The following RDH13 variants were observed in gnomAD, a reference collection of about 807,000 sequenced individuals.
The protein encoded by RDH13 is retinol dehydrogenase 13, also known as retinol dehydrogenase 13 (all-trans and 9-cis).
RDH13 carries 35 observed loss-of-function variants against 28.3 expected under a neutral mutation model. The ratio of observed to expected loss-of-function variants is 1.24; its 90% CI spans 0.95 to 1.64. The LOEUF (loss-of-function observed/expected upper bound fraction) is 1.64, where lower values mean the gene tolerates loss of function less well. Ranked by LOEUF, RDH13 falls within the 40% of genes most tolerant of loss-of-function variation. The pLI is 0.00. For missense variants in RDH13, 514 were observed against 446.3 expected (o/e 1.15, Z -1.37); for synonymous variants, 229 against 198.5 (o/e 1.15, Z -1.29).
At chr19:55,059,406 T>G in intron 1 of RDH13, 131 bp from the exon 2 acceptor site, 1 of 639,058 alleles carries the variant, frequency 1.6e-6, no homozygotes, top group East Asian at 2.7e-5. Flanking sequence ...CATCATCACA[T>G]CACACCAAGG....
chr19:55,060,427 C>A (rs2075775208), intron 1 of RDH13, among the ~76,000 whole-genome samples: 1 of 152,200 alleles, frequency 6.6e-6, no homozygotes, highest in Non-Finnish European at 1.5e-5. Context: ...GTCATAGATT[C>A]TTTTGCTCAC....
At chr19:55,049,823 T>TG (rs1402663520) in intron 3 of RDH13, among the ~76,000 whole-genome samples, 1 of 149,490 alleles carries the variant, frequency 6.7e-6, no homozygotes, top group Non-Finnish European at 1.5e-5. Context: ...TCCCAGAGGC[T>TG]GGAAGTCCCA....
chr19:55,067,876 ATCTCTC>A (rs2075987279), upstream of RDH13, among the ~76,000 whole-genome samples: 1 of 63,118 alleles, frequency 1.6e-5, no homozygotes, highest in South Asian at 3.3e-4. Flanking sequence ...TCTCTCTCTC[ATCTCTC>A]TCTCCCTCTT....
At chr19:55,043,260 G>A (rs1036628401), downstream of RDH13, 1 of 152,274 alleles carries the variant, frequency 6.6e-6, no homozygotes, top group African/African-American at 2.4e-5. Context: ...AATTAGCCAA[G>A]TGTGGTGGCA....
Position 55,059,314 on chromosome 19 carries a change from A to T in RDH13, c.66-39T>A, listed in dbSNP as rs1353547100. 17 of 1,374,444 alleles carry T rather than the reference A, an allele frequency of 1.2e-5. No individual in the cohort carries two copies. The Admixed American group carries it at 3.3e-4, about 27-fold the overall frequency. The allele number at this position is 1,374,444 out of a possible 1,614,324, so 85.1% of individuals were successfully genotyped here. ...GCGGCACGGTCAGTCCTGTGGGCCC[A>T]CTCTCACCCCACGTGCCCCTGACTG... On this transcript the variant is annotated intron_variant, in intron 1 of 6. Transcript: ENST00000415061.
chr19:55,048,868 G>C, intron 3 of RDH13, 105 bp from the exon 4 acceptor site: 1 of 1,032,160 alleles, frequency 9.7e-7, no homozygotes, highest in Non-Finnish European at 1.5e-6. Flanking sequence ...AATGTGGCCT[G>C]TGCCGGAAAC....
At chr19:55,068,028 C>A (rs113961547), upstream of RDH13, among the ~76,000 whole-genome samples, 21 of 149,776 alleles carry the variant, frequency 1.4e-4, no homozygotes, top group Non-Finnish European at 1.5e-5. Flanking sequence ...TTCTCTCCCC[C>A]TCCTGTGTCT....
upstream of RDH13, among the ~76,000 whole-genome samples, chr19:55,066,560 C>T (rs1224771774): frequency 1.7e-5 from 2 of 119,968 alleles, no homozygotes; most frequent in Non-Finnish European, 3.5e-5. Flanking sequence ...TTCCTCTCTC[C>T]CTCTCCCTCC....
intron 3 of RDH13, chr19:55,050,833 G>C (rs555081420): frequency 2.0e-5 from 3 of 151,958 alleles, no homozygotes; most frequent in Admixed American, 6.6e-5. Context: ...TGTCCAGCGC[G>C]TAACACACAG....
At chr19:55,068,334 G>C (rs182622420) in intron 1 of RDH13, 20 of 152,312 alleles carry the variant, frequency 1.3e-4, no homozygotes, top group Admixed American at 1.3e-3. Context: ...TTAGGGGTTT[G>C]AAACCAGCCT....
upstream of RDH13, chr19:55,063,940 G>A (rs1361093668): frequency 1.3e-5 from 2 of 152,252 alleles, no homozygotes; most frequent in Non-Finnish European, 2.9e-5. Flanking sequence ...CTCACAGCGA[G>A]TGTATCTGAT....
intron 1 of RDH13, chr19:55,068,467 G>A (rs1318826484): frequency 6.6e-6 from 1 of 151,990 alleles, no homozygotes; most frequent in Non-Finnish European, 1.5e-5. Flanking sequence ...GAGCCTGGGA[G>A]GCGGAAGTTG....
intron 3 of RDH13, among the ~76,000 whole-genome samples, chr19:55,052,633 C>CA (rs1223437469): frequency 3.3e-5 from 5 of 151,050 alleles, no homozygotes; most frequent in African/African-American, 1.2e-4. Context: ...GTTGGGACTA[C>CA]AAGTGCACAC....
upstream of RDH13, among the ~76,000 whole-genome samples, chr19:55,064,655 C>A (rs1350373466): frequency 2.0e-5 from 3 of 150,972 alleles, no homozygotes; most frequent in Non-Finnish European, 4.4e-5. Flanking sequence ...ACTGTGTCAC[C>A]CAGGCTGGAG....
downstream of RDH13, chr19:55,041,312 C>A (rs2075023855): frequency 6.6e-6 from 1 of 152,142 alleles, no homozygotes; most frequent in African/African-American, 2.4e-5. Flanking sequence ...CATAAAAAAT[C>A]AAATGCAACA....
At chr19:55,042,001 C>T (rs746582259), downstream of RDH13, 1 of 152,104 alleles carries the variant, frequency 6.6e-6, no homozygotes, top group Non-Finnish European at 1.5e-5. Flanking sequence ...GCCCAGAACG[C>T]TTCCTGGAGA....
In RDH13 at chr19:55,069,076, C is replaced by T. The variant is rs963334998; in HGVS notation, c.-266+246G>A. Among the ~76,000 whole-genome samples the T allele has an allele frequency of 4.7e-5, 7 of 148,366 alleles. No individual in the cohort carries two copies. The East Asian group carries it at 1.4e-3, about 30-fold the overall frequency. ...TCTGGGGTCCTATCCCCGTCACCAC[C>T]CCCCGCCCCGACCCATCCCCCAGAG... On this transcript the variant is annotated intron_variant, in intron 1 of 7. Transcript: ENST00000396247.
At chr19:55,065,914 C>T (rs2075951358), upstream of RDH13, among the ~76,000 whole-genome samples, 1 of 152,140 alleles carries the variant, frequency 6.6e-6, no homozygotes, top group Non-Finnish European at 1.5e-5. Flanking sequence ...GACGGGGTTT[C>T]ACCATGTTGG....
chr19:55,056,867 C>G, intron 2 of RDH13, 59 bp from the exon 3 acceptor site: 1 of 1,432,358 alleles, frequency 7.0e-7, no homozygotes, highest in Admixed American at 2.0e-5. Context: ...GTACTGACCC[C>G]AGAGACATGA....
Sources: gnomAD v4.1 joint callset for allele counts (sites outside exome capture counted in the v4.1 genomes callset) on GRCh38, gnomAD v4.1.1 for gene constraint, MANE v1.5 for transcripts, NCBI Gene and HGNC (gene_info 2026-07-23, HGNC 2026-07-21) for gene names.